The following PLCE1 variants were observed in gnomAD, a reference collection of about 807,000 sequenced individuals.
PLCE1 encodes the protein phospholipase C epsilon 1, also known as 1-phosphatidylinositol 4,5-bisphosphate phosphodiesterase epsilon-1.
A neutral mutation model predicts 242.8 loss-of-function variants in PLCE1; 119 were observed. The observed-to-expected ratio is 0.49, with a 90% CI of 0.42 to 0.57. The LOEUF is 0.57. PLCE1 is among the 20% of genes least tolerant of loss of function. PLCE1 has a pLI of 0.00. For missense variants in PLCE1, 2,441 were observed against 2,788.8 expected, an observed-to-expected ratio of 0.88 and a Z score of 2.81; for synonymous variants, 945 against 1,017.4, an observed-to-expected ratio of 0.93 and a Z score of 1.35.
At position 94,273,571 on chromosome 10, in the gene PLCE1, G is replaced by C; in HGVS notation, c.4516G>C (p.Gly1506Arg). ...CCTTCATTCTTTTTAGACTGTGTTT[G>C]GAGAAAAGCTGGTGACTAAATTCTT... Reference protein sequence around the residue: ...KMAEIFKTVFGEKLVTKFLFE... With the variant: ...KMAEIFKTVFREKLVTKFLFE... The change falls in exon 19 of 33, where the codon GGA becomes CGA. Residue 1506 changes from glycine (G) to arginine (R), a missense_variant. Gly to Arg is a moderately radical substitution (Grantham distance 125, BLOSUM62 -2). Coordinates refer to ENST00000371380, the MANE Select transcript of PLCE1 (RefSeq NM_016341.4). 6.2e-7 allele frequency: 1 copy of C among 1,613,580 alleles called. No individual in the cohort carries two copies. Among genetic ancestry groups the C allele is most frequent in the East Asian group, 2.2e-5 (1 of 44,832 alleles).
At chr10:94,179,530 T>TTTTTTTTTTTTTTGA (rs10636243) in intron 4 of PLCE1, among the ~76,000 whole-genome samples, 11 of 118,824 alleles carry the variant, frequency 9.3e-5, no homozygotes, top group African/African-American at 2.3e-4. Flanking sequence ...TTTTTTTTTT[T>TTTTTTTTTTTTTTGA]GACAGGGTCT....
chr10:94,111,124 A>G (rs1049282325), intron 2 of PLCE1, among the ~76,000 whole-genome samples: 1 of 152,206 alleles, frequency 6.6e-6, no homozygotes, highest in African/African-American at 2.4e-5. Context: ...GTGGGTATTC[A>G]GTTGTACACA....
At position 94,246,417 on chromosome 10, in the gene PLCE1, C is replaced by A; in HGVS notation, c.2892C>A (p.Ser964Arg). 1 of 1,614,130 alleles carries A rather than the reference C, an allele frequency of 6.2e-7. No homozygotes were observed. Among genetic ancestry groups the A allele is most frequent in the South Asian group, 1.1e-5 (1 of 91,082 alleles). Residue 964 changes from serine (S) to arginine (R), a missense_variant, in exon 8 of 33, where the codon AGC (serine) becomes AGA (arginine). Transcript: ENST00000371380. The part of the protein sequence containing the change: ...HTVCVQNKLG[S>R]MFLSETGVTL... ...TGTGTGTTCAGAACAAACTGGGTAG[C>A]ATGTTCCTGTCAGAGACTGGTGTGA... is the stretch of plus-strand genomic sequence containing the variant.
intron 2 of PLCE1, among the ~76,000 whole-genome samples, chr10:94,080,096 C>A (rs1043018605): frequency 6.6e-6 from 1 of 152,186 alleles, no homozygotes; most frequent in Non-Finnish European, 1.5e-5. Context: ...TTTTACCCAT[C>A]GTCCTTCACC....
In PLCE1 at chr10:94,236,080, A is replaced by G; in HGVS notation, c.2380A>G (p.Ser794Gly). ...DEEDSPSEGNSSRKSSLKDKS... is the reference protein window; with the variant it reads ...DEEDSPSEGNGSRKSSLKDKS... Reference sequence around the variant, plus strand: ...GGAGGACAGCCCCAGTGAAGGAAACAGCTCCAGGAAAAGCTCCTTGAAGGA... The same window carrying G: ...GGAGGACAGCCCCAGTGAAGGAAACGGCTCCAGGAAAAGCTCCTTGAAGGA... The change falls in exon 7 of 33, where the codon AGC becomes GGC. Residue 794 changes from serine (S) to glycine (G), a missense_variant. Ser to Gly is a moderately conservative substitution (Grantham distance 56, BLOSUM62 0). Coordinates refer to ENST00000371380, the MANE Select transcript of PLCE1 (RefSeq NM_016341.4). 1 of 1,614,004 alleles carries G rather than the reference A, an allele frequency of 6.2e-7. No homozygotes were observed. The highest frequency in any genetic ancestry group is 8.5e-7 in the Non-Finnish European group (1 of 1,179,952).
chr10:94,174,948 A>G (rs1406893638), intron 4 of PLCE1, among the ~76,000 whole-genome samples: 4 of 152,304 alleles, frequency 2.6e-5, no homozygotes, highest in African/African-American at 7.2e-5. Flanking sequence ...CAATTGTGCT[A>G]TGATTATGAA....
At chr10:94,143,416 T>C (rs188378525) in intron 3 of PLCE1, among the ~76,000 whole-genome samples, 32 of 152,360 alleles carry the variant, frequency 2.1e-4, no homozygotes, top group African/African-American at 7.2e-4. Context: ...ATGACACTTC[T>C]ACTTTTGAGT....
intron 3 of PLCE1, chr10:94,138,746 A>G (rs1290102814): frequency 8.0e-6 from 2 of 250,024 alleles, no homozygotes; most frequent in African/African-American, 4.7e-5. Flanking sequence ...GCTCCCATAT[A>G]ATGACTACTT....
intron 23 of PLCE1, among the ~76,000 whole-genome samples, chr10:94,296,115 C>A (rs1431776254): frequency 6.6e-6 from 1 of 152,100 alleles, no homozygotes; most frequent in African/African-American, 2.4e-5. Flanking sequence ...GTAATCCCAG[C>A]ACTTTGGGAG....
chr10:94,140,288 T>A (rs1335413593), intron 3 of PLCE1, among the ~76,000 whole-genome samples: 1 of 152,082 alleles, frequency 6.6e-6, no homozygotes, highest in African/African-American at 2.4e-5. Context: ...CTACCAGCAC[T>A]TTGAGAGGTC....
intron 9 of PLCE1, 136 bp from the exon 10 acceptor site, chr10:94,254,054 T>C: frequency 1.3e-6 from 1 of 764,512 alleles, no homozygotes; most frequent in Non-Finnish European, 2.4e-6. Flanking sequence ...TCAGCCTTAA[T>C]GTAGGTCTTT....
rs373938811 is a variant in PLCE1, at chr10:94,289,476, G to A, written c.5036-4032G>A. On this transcript the variant is annotated intron_variant, in intron 22 of 32. Coordinates refer to ENST00000371380, the MANE Select transcript of PLCE1 (RefSeq NM_016341.4). ...TGAGAATGCTTCATTAGATTATTTT[G>A]TCATTGTGTGAAACATCATAGAGTG... Among the ~76,000 whole-genome samples, 13 of 152,282 alleles carry A rather than the reference G, an allele frequency of 8.5e-5. No individual in the cohort carries two copies. In the East Asian group the frequency reaches 2.5e-3, roughly 29 times the overall value.
intron 3 of PLCE1, among the ~76,000 whole-genome samples, chr10:94,162,521 T>G (rs1454197073): frequency 6.6e-6 from 1 of 152,334 alleles, no homozygotes; most frequent in Admixed American, 6.5e-5. Flanking sequence ...TCATTTTTTA[T>G]TGCGTCTATT....
intron 4 of PLCE1, among the ~76,000 whole-genome samples, chr10:94,208,689 A>G (rs2049242348): frequency 6.6e-6 from 1 of 152,068 alleles, no homozygotes; most frequent in Non-Finnish European, 1.5e-5. Context: ...ACAGATTCCT[A>G]CTCCCCTCCC....
chr10:94,183,240 T>C (rs1056209409), intron 4 of PLCE1, among the ~76,000 whole-genome samples: 46 of 152,216 alleles, frequency 3.0e-4, no homozygotes, highest in Non-Finnish European at 5.4e-4. Context: ...GCCCAAAAGA[T>C]TTAAACATTC....
intron 2 of PLCE1, among the ~76,000 whole-genome samples, chr10:94,114,622 A>G (rs2046060432): frequency 6.6e-6 from 1 of 151,942 alleles, no homozygotes; most frequent in East Asian, 1.9e-4. Context: ...TCCTACTATT[A>G]TAATCTCCAC....
chr10:94,115,230 G>A (rs1215571561), intron 2 of PLCE1, among the ~76,000 whole-genome samples: 2 of 152,098 alleles, frequency 1.3e-5, no homozygotes, highest in Admixed American at 6.5e-5. Flanking sequence ...ATAAACATAC[G>A]TGTGCATGTG....
chr10:94,008,191 C>CAAAAAAAA (rs745999207), intron 1 of PLCE1, among the ~76,000 whole-genome samples: 1 of 55,234 alleles, frequency 1.8e-5, no homozygotes, highest in African/African-American at 6.4e-5. Flanking sequence ...GACCTTGTCT[C>CAAAAAAAA]AAAAAAAAAA....
intron 22 of PLCE1, among the ~76,000 whole-genome samples, chr10:94,288,240 A>G (rs541364935): frequency 6.6e-6 from 1 of 152,200 alleles, no homozygotes; most frequent in South Asian, 2.1e-4. Flanking sequence ...TCCCACTCTC[A>G]TTCTGAGTCT....
Sources: gnomAD v4.1 joint callset for allele counts (sites outside exome capture counted in the v4.1 genomes callset) on GRCh38, gnomAD v4.1.1 for gene constraint, MANE v1.5 for transcripts, NCBI Gene and HGNC (gene_info 2026-07-23, HGNC 2026-07-21) for gene names.